The following CEP128 variants were observed in gnomAD, a reference collection of about 807,000 sequenced individuals.
CEP128 encodes centrosomal protein 128.
A neutral mutation model predicts 156.7 loss-of-function variants in CEP128; 132 were observed. The observed-to-expected ratio is 0.84, with a 90% CI of 0.73 to 0.97. The LOEUF (loss-of-function observed/expected upper bound fraction) is 0.97. Among genes scored for constraint, CEP128 ranks in the 50% least tolerant of loss-of-function variants. The pLI, the probability that CEP128 is intolerant of heterozygous loss-of-function variation, is 0.00. For missense variants in CEP128, 1,252 were observed against 1,281.9 expected (o/e 0.98, Z 0.36); for synonymous variants, 469 against 448.9 (o/e 1.04, Z -0.57).
intron 13 of CEP128, among the ~76,000 whole-genome samples, chr14:80,817,657 C>T (rs1321239988): frequency 3.3e-5 from 5 of 152,050 alleles, no homozygotes; most frequent in East Asian, 1.9e-4. Context: ...CCAAGGCAGA[C>T]GGATCACGAG....
chr14:80,701,204 T>C (rs1897062912), intron 19 of CEP128, among the ~76,000 whole-genome samples: 1 of 152,134 alleles, frequency 6.6e-6, no homozygotes, highest in South Asian at 2.1e-4. Context: ...ACTTAATCTG[T>C]GGATGAGTCT....
intron 19 of CEP128, among the ~76,000 whole-genome samples, chr14:80,589,086 G>T (rs1385554142): frequency 6.6e-6 from 1 of 152,088 alleles, no homozygotes; most frequent in Non-Finnish European, 1.5e-5. Context: ...AAAGACTCAA[G>T]TGGTCCTTAC....
At chr14:80,724,756 T>G (rs1481495788) in intron 19 of CEP128, among the ~76,000 whole-genome samples, 1 of 151,890 alleles carries the variant, frequency 6.6e-6, no homozygotes, top group Non-Finnish European at 1.5e-5. Context: ...AATAAGATGT[T>G]TATAAATGTG....
At chr14:80,569,644 T>C (rs578004071) in intron 20 of CEP128, among the ~76,000 whole-genome samples, 9 of 152,184 alleles carry the variant, frequency 5.9e-5, no homozygotes, top group Non-Finnish European at 1.5e-5. Flanking sequence ...CAAAAAAATA[T>C]TCTTATTAGA....
Position 80,613,354 on chromosome 14 carries a change from G to A in CEP128, c.2807-32931C>T, listed in dbSNP as rs555692827. Among the ~76,000 whole-genome samples the A allele has an allele frequency of 4.3e-3, 566 of 131,256 alleles. 1 individual carries two copies. Among genetic ancestry groups the A allele is most frequent in the Non-Finnish European group, 6.3e-3 (411 of 64,788 alleles). The allele number at this position is 131,256 out of a possible 152,430, so 86.1% of individuals were successfully genotyped here. On this transcript the variant is annotated intron_variant, in intron 19 of 24. Coordinates refer to ENST00000555265, the MANE Select transcript of CEP128 (RefSeq NM_152446.5). ...GTCTCGCTCTGTCGCCCAGGCTGGA[G>A]TGCAGTGGCGCGATCTCGGCTCACT... is the stretch of plus-strand genomic sequence containing the variant.
intron 23 of CEP128, among the ~76,000 whole-genome samples, chr14:80,524,750 G>A (rs368960344): frequency 6.6e-6 from 1 of 152,076 alleles, no homozygotes; most frequent in African/African-American, 2.4e-5. Flanking sequence ...GTCAATAAAT[G>A]CATTGCTAAA....
At chr14:80,831,963 C>T (rs118095654) in intron 12 of CEP128, among the ~76,000 whole-genome samples, 7,656 of 152,202 alleles carry the variant, frequency 0.05, 377 homozygotes, top group South Asian at 0.22. Context: ...TTGTAGCTCC[C>T]GTAATTCCCA....
chr14:80,767,777 A>T (rs1166202578), intron 16 of CEP128, among the ~76,000 whole-genome samples: 1 of 152,170 alleles, frequency 6.6e-6, no homozygotes, highest in Non-Finnish European at 1.5e-5. Context: ...GAGCTAATAG[A>T]AAAAAGGAAT....
intron 8 of CEP128, chr14:80,894,739 T>G (rs1889268071): frequency 3.0e-6 from 1 of 328,212 alleles, no homozygotes; most frequent in African/African-American, 2.3e-5. Context: ...TTCATATTTT[T>G]AAAATAAGCA....
intron 23 of CEP128, among the ~76,000 whole-genome samples, chr14:80,520,990 T>C (rs1888718148): frequency 9.7e-6 from 1 of 103,270 alleles, no homozygotes; most frequent in African/African-American, 4.3e-5. Context: ...GCCCAGCTAA[T>C]TTTTTTTTTT....
intron 9 of CEP128, among the ~76,000 whole-genome samples, chr14:80,853,009 T>C (rs1297821648): frequency 6.6e-6 from 1 of 151,892 alleles, no homozygotes; most frequent in Non-Finnish European, 1.5e-5. Flanking sequence ...ATCAACCATA[T>C]TTAAATCAAT....
At chr14:80,547,257 T>C (rs191421869) in intron 21 of CEP128, among the ~76,000 whole-genome samples, 3 of 152,344 alleles carry the variant, frequency 2.0e-5, no homozygotes, top group Admixed American at 2.0e-4. Flanking sequence ...ATCTTAAATA[T>C]GGTCCCAAAA....
chr14:80,759,593 C>T (rs1899849928), intron 17 of CEP128, among the ~76,000 whole-genome samples: 3 of 151,954 alleles, frequency 2.0e-5, no homozygotes, highest in African/African-American at 4.8e-5. Flanking sequence ...TGAAAAGAGG[C>T]CCACAATGAA....
At chr14:80,603,488 T>G (rs1220419292) in intron 19 of CEP128, among the ~76,000 whole-genome samples, 1 of 152,214 alleles carries the variant, frequency 6.6e-6, no homozygotes, top group Non-Finnish European at 1.5e-5. Flanking sequence ...GAATTTTATT[T>G]TATGTAAATC....
chr14:80,668,004 T>A (rs1490875354), intron 19 of CEP128, among the ~76,000 whole-genome samples: 1 of 152,170 alleles, frequency 6.6e-6, no homozygotes, highest in East Asian at 1.9e-4. Context: ...GTGATGCTGA[T>A]GATGGTGTCA....
intron 14 of CEP128, among the ~76,000 whole-genome samples, chr14:80,481,657 A>G (rs951332003): frequency 3.3e-5 from 5 of 152,234 alleles, no homozygotes; most frequent in African/African-American, 1.2e-4. Context: ...AGTTAACAGC[A>G]AAGAGGCATG....
At position 80,755,825 on chromosome 14, in the gene CEP128, G is replaced by A. The variant is rs184337460; in HGVS notation, c.2613+1067C>T. Among the ~76,000 whole-genome samples the A allele has an allele frequency of 9.4e-4, 143 of 152,198 alleles. 1 individual carries two copies. The highest frequency in any genetic ancestry group is 3.2e-3 in the African/African-American group (134 of 41,524). ...TCCCCCTTAGTCAGTTGGTCAGTGTGGTATTTTTCATCACAACCCGTTTAC... is the reference window on the plus strand; with the variant it reads ...TCCCCCTTAGTCAGTTGGTCAGTGTAGTATTTTTCATCACAACCCGTTTAC... On this transcript the variant is annotated intron_variant, in intron 18 of 24. Transcript: ENST00000555265.
chr14:80,609,585 G>A (rs1892915373), intron 19 of CEP128, among the ~76,000 whole-genome samples: 2 of 152,076 alleles, frequency 1.3e-5, no homozygotes, highest in South Asian at 4.1e-4. Flanking sequence ...AATTATTGGA[G>A]CAGTCTGTGG....
At chr14:80,686,075 A>T (rs1896512216) in intron 19 of CEP128, among the ~76,000 whole-genome samples, 1 of 152,110 alleles carries the variant, frequency 6.6e-6, no homozygotes. Flanking sequence ...AAGCCCTCAA[A>T]AGAAATTGCA....
Sources: gnomAD v4.1 joint callset for allele counts (sites outside exome capture counted in the v4.1 genomes callset) on GRCh38, gnomAD v4.1.1 for gene constraint, MANE v1.5 for transcripts, NCBI Gene and HGNC (gene_info 2026-07-23, HGNC 2026-07-21) for gene names.